The following GAPVD1 variants were observed in gnomAD, a reference collection of about 807,000 sequenced individuals.
The protein encoded by GAPVD1 is GTPase-activating protein and VPS9 domain-containing protein 1.
GAPVD1 carries 35 observed loss-of-function variants against 155.5 expected under a neutral mutation model. The ratio of observed to expected loss-of-function variants is 0.23; its 90% CI spans 0.17 to 0.30. The LOEUF is 0.30. Among genes scored for constraint, GAPVD1 ranks in the 10% least tolerant of loss-of-function variants. The pLI, the probability that GAPVD1 is intolerant of heterozygous loss-of-function variation, is 1.00. For missense variants in GAPVD1, 1,429 were observed against 1,775.7 expected (o/e 0.80, Z 3.51); for synonymous variants, 636 against 619.7 (o/e 1.03, Z -0.39).
chr9:125,305,687 T>G (rs1841671893), intron 6 of GAPVD1, among the ~76,000 whole-genome samples: 1 of 151,470 alleles, frequency 6.6e-6, no homozygotes, highest in Non-Finnish European at 1.5e-5. Context: ...AATTTTCGAG[T>G]CAGTGTCTCA....
intron 23 of GAPVD1, among the ~76,000 whole-genome samples, chr9:125,351,499 C>T (rs1305549526): frequency 6.6e-6 from 1 of 152,194 alleles, no homozygotes; most frequent in East Asian, 1.9e-4. Flanking sequence ...TCCTTTCTGC[C>T]TATGAACCTG....
intron 2 of GAPVD1, among the ~76,000 whole-genome samples, chr9:125,291,081 G>A (rs1030847153): frequency 6.6e-6 from 1 of 152,004 alleles, no homozygotes; most frequent in African/African-American, 2.4e-5. Context: ...GAGCCCAGGA[G>A]TTTGGGACCA....
intron 14 of GAPVD1, 54 bp downstream of exon 14, chr9:125,332,114 C>T: frequency 1.3e-6 from 2 of 1,512,340 alleles, no homozygotes; most frequent in Non-Finnish European, 1.8e-6. Context: ...ACCCCCTACC[C>T]CCTCCTATTT....
intron 9 of GAPVD1, among the ~76,000 whole-genome samples, chr9:125,319,099 C>G (rs1393658526): frequency 6.6e-6 from 1 of 152,044 alleles, no homozygotes; most frequent in Non-Finnish European, 1.5e-5. Flanking sequence ...TCGCTTGAAA[C>G]TGGGAGGTGG....
intron 19 of GAPVD1, 44 bp from the exon 20 acceptor site, chr9:125,346,775 A>G: frequency 6.5e-7 from 1 of 1,535,316 alleles, no homozygotes; most frequent in Non-Finnish European, 9.0e-7. Flanking sequence ...CAGAGGTGGT[A>G]CAAACCCAAG....
intron 19 of GAPVD1, among the ~76,000 whole-genome samples, chr9:125,342,938 G>A (rs1182308720): frequency 3.9e-5 from 6 of 152,122 alleles, no homozygotes; most frequent in East Asian, 1.9e-4. Flanking sequence ...CTGATTAAGC[G>A]TTTGTATTTC....
intron 2 of GAPVD1, among the ~76,000 whole-genome samples, chr9:125,289,158 A>G (rs113031807): frequency 1.3e-5 from 2 of 152,276 alleles, no homozygotes; most frequent in African/African-American, 2.4e-5. Flanking sequence ...TAGAGTCCAG[A>G]TATTGAGTGA....
At chr9:125,341,393 G>A in intron 18 of GAPVD1, 129 bp downstream of exon 18, 1 of 591,068 alleles carries the variant, frequency 1.7e-6, no homozygotes, top group Non-Finnish European at 3.0e-6. Context: ...TACTTTGAGG[G>A]TGTAGAAAGT....
chr9:125,315,403 C>T (rs567854010), intron 9 of GAPVD1, among the ~76,000 whole-genome samples: 1 of 152,312 alleles, frequency 6.6e-6, no homozygotes, highest in Non-Finnish European at 1.5e-5. Flanking sequence ...GCTCTGTGAT[C>T]CTACCCTGTT....
At chr9:125,266,019 A>G (rs1833891274) in intron 1 of GAPVD1, among the ~76,000 whole-genome samples, 1 of 150,732 alleles carries the variant, frequency 6.6e-6, no homozygotes, top group Non-Finnish European at 1.5e-5. Context: ...CTGCTTTTGA[A>G]GACAGTATTT....
intron 4 of GAPVD1, among the ~76,000 whole-genome samples, chr9:125,299,848 A>T (rs955000635): frequency 1.4e-5 from 2 of 142,652 alleles, no homozygotes; most frequent in Non-Finnish European, 3.1e-5. Context: ...ATGAAACCCC[A>T]TCTCTACTAA....
rs1482034924 is a variant in GAPVD1 at position 125,302,892 on chromosome 9, G to C, written c.1029+66G>C. ...AAATTCAGTTGATTGGGCTGTGGGG[G>C]TGGGAACAAATAATACGATGACAGT... On this transcript the variant is annotated intron_variant, in intron 5 of 27. Transcript: ENST00000297933. The C allele has an allele frequency of 2.0e-5, 30 of 1,519,290 alleles. No individual in the cohort carries two copies. The East Asian group carries it at 6.8e-4, about 34-fold the overall frequency. The allele number at this position is 1,519,290 out of a possible 1,614,324, so 94.1% of individuals were successfully genotyped here.
chr9:125,293,844 AATATATTTTATAT>A (rs1263770488), intron 2 of GAPVD1, among the ~76,000 whole-genome samples: 48 of 69,098 alleles, frequency 6.9e-4, no homozygotes, highest in Admixed American at 1.7e-3. Context: ...TATATATAAA[AATATATTTTATAT>A]ATATATATAT....
intron 8 of GAPVD1, chr9:125,309,318 T>G (rs1842312107): frequency 6.6e-6 from 1 of 150,806 alleles, no homozygotes; most frequent in African/African-American, 2.4e-5. Context: ...CTTATTGGTG[T>G]TTTTTTTTGT....
chr9:125,334,058 C>T (rs767743912), intron 15 of GAPVD1, among the ~76,000 whole-genome samples: 16 of 152,166 alleles, frequency 1.1e-4, no homozygotes, highest in Non-Finnish European at 2.1e-4. Context: ...AACCAGCAGT[C>T]TCAAAGCATG....
chr9:125,315,456 T>C (rs1406845439), intron 9 of GAPVD1, among the ~76,000 whole-genome samples: 3 of 152,162 alleles, frequency 2.0e-5, no homozygotes, highest in Non-Finnish European at 4.4e-5. Flanking sequence ...TGAAGACAGC[T>C]TATATTACTG....
intron 2 of GAPVD1, among the ~76,000 whole-genome samples, chr9:125,286,180 T>G (rs555695389): frequency 6.6e-6 from 1 of 152,192 alleles, no homozygotes; most frequent in Admixed American, 6.6e-5. Context: ...GTGGCGCAAT[T>G]ATAGCTCACT....
chr9:125,274,316 C>A lies in GAPVD1; in HGVS notation c.-150+5332C>A, dbSNP rs930835352. Among the ~76,000 whole-genome samples, 3 of 151,790 alleles carry A rather than the reference C, an allele frequency of 2.0e-5. No individual in the cohort carries two copies. In the South Asian group the frequency reaches 6.2e-4, roughly 32 times the overall value. On this transcript the variant is annotated intron_variant, in intron 2 of 27. Transcript: ENST00000297933. Reference sequence around the variant, plus strand: ...TACAGGTGTGAGCCACTATCCTGGGCCTGTTCTTTGTTTTTTTAAAAAAAA... The same window carrying A: ...TACAGGTGTGAGCCACTATCCTGGGACTGTTCTTTGTTTTTTTAAAAAAAA...
intron 4 of GAPVD1, among the ~76,000 whole-genome samples, chr9:125,300,859 C>T (rs1840748894): frequency 6.6e-6 from 1 of 151,470 alleles, no homozygotes; most frequent in Non-Finnish European, 1.5e-5. Context: ...TTTTTCCCCA[C>T]ATCTTTTAGG....
Sources: allele counts gnomAD v4.1 joint callset (sites outside exome capture counted in the v4.1 genomes callset), GRCh38; gene constraint gnomAD v4.1.1; transcripts MANE v1.5; gene names NCBI Gene and HGNC (gene_info 2026-07-23, HGNC 2026-07-21).